The following ZDHHC17 variants were observed in gnomAD, a reference collection of about 807,000 sequenced individuals.
ZDHHC17 encodes palmitoyltransferase ZDHHC17.
In ZDHHC17, 40 loss-of-function variants were observed where a neutral mutation model predicts 90.3. That is an observed-to-expected ratio of 0.44 (90% CI 0.34 to 0.58). The LOEUF (loss-of-function observed/expected upper bound fraction) is 0.58. Ranked by LOEUF, ZDHHC17 falls within the 20% of genes least tolerant of loss-of-function variation. The probability of loss-of-function intolerance (pLI) is 0.01; values close to 1 mark genes in which losing one functional copy is unlikely to be tolerated. For synonymous variants in ZDHHC17, 235 were observed against 252.4 expected, an observed-to-expected ratio of 0.93 and a Z score of 0.65; for missense variants, 614 against 780.8, an observed-to-expected ratio of 0.79 and a Z score of 2.55.
At chr12:76,815,279 AAAAAGC>A in intron 6 of ZDHHC17, 69 bp downstream of exon 6, 1 of 1,097,548 alleles carries the variant, frequency 9.1e-7, no homozygotes, top group Non-Finnish European at 1.3e-6. Flanking sequence ...AAGAGAGAGG[AAAAAGC>A]AGTTAATACT....
At position 76,797,453 on chromosome 12, in the gene ZDHHC17, A is replaced by ATT; in HGVS notation, c.114_115dup (p.Tyr39PhefsTer24). The ATT allele has an allele frequency of 6.2e-7, 1 of 1,608,120 alleles. No homozygotes were observed. Among genetic ancestry groups the ATT allele is most frequent in the Non-Finnish European group, 8.5e-7 (1 of 1,177,134 alleles). On this transcript the variant is annotated frameshift_variant, in exon 2 of 17. Transcript: ENST00000426126. LOFTEE classifies it high-confidence loss of function. ...TAACAGGAAATCAAACCCCAAAGCC[A>ATT]TTATAACCATGGATATGGTGAACCT...
intron 8 of ZDHHC17, among the ~76,000 whole-genome samples, chr12:76,824,512 A>G (rs1449053488): frequency 6.6e-6 from 1 of 151,440 alleles, no homozygotes; most frequent in East Asian, 1.9e-4. Context: ...AGTCATTAAC[A>G]TGTTTTGATT....
rs529682486 is a variant in ZDHHC17, at chr12:76,851,208, T to C, written c.*223T>C. Reference sequence around the variant, plus strand: ...AGAGTAAAGATGATAAAAAATAATTTTAATGGTTCTTAATGTGGAAATTCA... The same window carrying C: ...AGAGTAAAGATGATAAAAAATAATTCTAATGGTTCTTAATGTGGAAATTCA... On this transcript the variant is annotated 3_prime_UTR_variant, in exon 17 of 17. Coordinates refer to ENST00000426126, the MANE Select transcript of ZDHHC17 (RefSeq NM_015336.4). 4.8e-5 allele frequency: 23 copies of C among 475,870 alleles called. No homozygotes were observed. In the South Asian group the frequency reaches 5.6e-4, roughly 12 times the overall value. 29.5% of individuals were successfully genotyped at this position (475,870 alleles called of 1,614,324 possible). A position where few individuals can be genotyped will look rare whatever the true frequency, so the allele number is the denominator to read the frequency against.
At chr12:76,799,505 C>A (rs1952862306) in intron 2 of ZDHHC17, among the ~76,000 whole-genome samples, 1 of 152,102 alleles carries the variant, frequency 6.6e-6, no homozygotes, top group Non-Finnish European at 1.5e-5. Flanking sequence ...ACATTCTTAC[C>A]TGGGCTCCAG....
At chr12:76,768,485 A>T (rs927107238) in intron 1 of ZDHHC17, among the ~76,000 whole-genome samples, 2 of 152,278 alleles carry the variant, frequency 1.3e-5, no homozygotes, top group African/African-American at 4.8e-5. Context: ...AACATAAAAA[A>T]GATAGCATAT....
chr12:76,786,306 G>C (rs1043280743), intron 1 of ZDHHC17, among the ~76,000 whole-genome samples: 6 of 151,850 alleles, frequency 4.0e-5, no homozygotes, highest in African/African-American at 7.3e-5. Flanking sequence ...TTTTGAGACA[G>C]AGTCTTGCTC....
chr12:76,797,255 T>C (rs1952830947), intron 1 of ZDHHC17, among the ~76,000 whole-genome samples, 179 bp from the exon 2 acceptor site: 1 of 151,940 alleles, frequency 6.6e-6, no homozygotes. Flanking sequence ...AGAGTGAGAC[T>C]CCATCTCAAA....
intron 1 of ZDHHC17, among the ~76,000 whole-genome samples, chr12:76,770,235 A>C (rs978524800): frequency 1.2e-4 from 19 of 152,238 alleles, no homozygotes; most frequent in African/African-American, 4.3e-4. Flanking sequence ...TAGTACCTCA[A>C]ATTGATAAAC....
chr12:76,816,162 A>T, intron 7 of ZDHHC17, 143 bp downstream of exon 7: 2 of 537,528 alleles, frequency 3.7e-6, no homozygotes, highest in Non-Finnish European at 5.9e-6. Flanking sequence ...TATGCATAAT[A>T]CATTTTAATA....
At chr12:76,835,481 CTCT>C (rs1220441230) in intron 10 of ZDHHC17, among the ~76,000 whole-genome samples, 1 of 151,526 alleles carries the variant, frequency 6.6e-6, no homozygotes, top group Non-Finnish European at 1.5e-5. Context: ...AAGTTTATAT[CTCT>C]TGTTAGATTT....
At chr12:76,779,767 T>G (rs1952601705) in intron 1 of ZDHHC17, among the ~76,000 whole-genome samples, 1 of 152,236 alleles carries the variant, frequency 6.6e-6, no homozygotes, top group Admixed American at 6.5e-5. Flanking sequence ...TCCCAAAGAT[T>G]GTCTTCTGTG....
At chr12:76,767,924 T>A (rs1592453816) in intron 1 of ZDHHC17, among the ~76,000 whole-genome samples, 1 of 151,304 alleles carries the variant, frequency 6.6e-6, no homozygotes, top group East Asian at 1.9e-4. Context: ...AAAAAAAAAA[T>A]CCAAAGCTGT....
chr12:76,769,928 TG>T (rs1486743110), intron 1 of ZDHHC17, among the ~76,000 whole-genome samples: 2 of 152,220 alleles, frequency 1.3e-5, no homozygotes, highest in Non-Finnish European at 2.9e-5. Flanking sequence ...TTATTTAATT[TG>T]GGAGGATCTC....
intron 8 of ZDHHC17, among the ~76,000 whole-genome samples, chr12:76,823,843 A>G (rs1953195202): frequency 6.6e-6 from 1 of 152,178 alleles, no homozygotes; most frequent in Non-Finnish European, 1.5e-5. Context: ...GCTGAGACTA[A>G]TGAACAATTT....
rs1952819818 is a variant in ZDHHC17 at position 76,796,381 on chromosome 12, T to C, written c.94-1053T>C. On this transcript the variant is annotated intron_variant, in intron 1 of 16. Transcript: ENST00000426126. ...TTATATAAAAGAAACAATTGTATTT[T>C]AGTGCTATGTTATATTGAGGAAATT... is the stretch of plus-strand genomic sequence containing the variant. Among the ~76,000 whole-genome samples the C allele has an allele frequency of 2.0e-5, 3 of 152,154 alleles. No homozygotes were observed. The South Asian group carries it at 6.2e-4, about 31-fold the overall frequency.
chr12:76,850,012 C>CT (rs1953543595), intron 16 of ZDHHC17, among the ~76,000 whole-genome samples: 1 of 152,054 alleles, frequency 6.6e-6, no homozygotes, highest in Non-Finnish European at 1.5e-5. Context: ...CCTCCACCTC[C>CT]TGGGTTTAAG....
At chr12:76,811,330 C>CT (rs1953016411) in intron 5 of ZDHHC17, among the ~76,000 whole-genome samples, 1 of 152,158 alleles carries the variant, frequency 6.6e-6, no homozygotes, top group East Asian at 1.9e-4. Context: ...ATCACAAGGT[C>CT]TTTAGTGGCC....
chr12:76,783,686 T>C (rs542296890), intron 1 of ZDHHC17, among the ~76,000 whole-genome samples: 15 of 152,356 alleles, frequency 9.8e-5, no homozygotes, highest in Admixed American at 2.0e-4. Context: ...CCCAAAGATA[T>C]CAGGTCCTAA....
At chr12:76,822,614 G>A in intron 8 of ZDHHC17, 83 bp downstream of exon 8, 1 of 1,170,848 alleles carries the variant, frequency 8.5e-7, no homozygotes, top group Admixed American at 2.4e-5. Flanking sequence ...GAGTGCAGTG[G>A]CGAGATTTTG....
Sources: allele counts gnomAD v4.1 joint callset (sites outside exome capture counted in the v4.1 genomes callset), GRCh38; gene constraint gnomAD v4.1.1; transcripts MANE v1.5; gene names NCBI Gene and HGNC (gene_info 2026-07-23, HGNC 2026-07-21).